ZNF425: variants seen among roughly 807,000 people sequenced by gnomAD.
ZNF425 encodes the protein zinc finger protein 425.
ZNF425 carries 21 observed loss-of-function variants against 17.0 expected under a neutral mutation model. That is an observed-to-expected ratio of 1.23 (90% CI 0.88 to 1.78). ZNF425 has a LOEUF of 1.78. Ranked by LOEUF, ZNF425 falls within the 40% of genes most tolerant of loss-of-function variation. The pLI, the probability that ZNF425 is intolerant of heterozygous loss-of-function variation, is 0.00. For synonymous variants in ZNF425, 433 were observed against 384.1 expected, an observed-to-expected ratio of 1.13 and a Z score of -1.49; for missense variants, 868 against 967.3, an observed-to-expected ratio of 0.90 and a Z score of 1.36.
chr7:149,103,837 C>T lies in ZNF425; in HGVS notation c.2034G>A (p.Arg678=). 11 of 1,613,454 alleles carry T rather than the reference C, an allele frequency of 6.8e-6. No homozygotes were observed. The highest frequency in any genetic ancestry group is 9.3e-6 in the Non-Finnish European group (11 of 1,179,838). Residue 678 remains arginine (R), a synonymous_variant, in exon 4 of 4, where the codon AGG becomes AGA. Coordinates refer to ENST00000378061, the MANE Select transcript of ZNF425 (RefSeq NM_001001661.3). ...CPECDKSYCI[R]GSLKVHLYKH... ...TATACAAGTGGACCTTCAAGCTGCC[C>T]CTGATGCAGTAGCTCTTGTCACACT...
In ZNF425 at chr7:149,103,218, G is replaced by A. The variant is rs1826004930; in HGVS notation, c.*394C>T. ...AGTGTGTCTGTAGCCAGTATTTTGTGATTTTTTTTCTTTTTTGAGACAAGA... is the reference window on the plus strand; with the variant it reads ...AGTGTGTCTGTAGCCAGTATTTTGTAATTTTTTTTCTTTTTTGAGACAAGA... On this transcript the variant is annotated 3_prime_UTR_variant, in exon 4 of 4. Coordinates refer to ENST00000378061, the MANE Select transcript of ZNF425 (RefSeq NM_001001661.3). 3.4e-5 allele frequency: 6 copies of A among 175,210 alleles called. No homozygotes were observed. The South Asian group carries it at 9.4e-4, about 27-fold the overall frequency. The allele number at this position is 175,210 out of a possible 1,614,324, so 10.9% of individuals were successfully genotyped here.
rs1232072451 is a variant in ZNF425 at position 149,102,919 on chromosome 7, A to C, written c.*693T>G. 3.9e-5 allele frequency: 6 copies of C among 152,244 alleles called. No individual in the cohort carries two copies. The highest frequency in any genetic ancestry group is 8.8e-5 in the Non-Finnish European group (6 of 68,044). 9.4% of individuals were successfully genotyped at this position (152,244 alleles called of 1,614,324 possible). On this transcript the variant is annotated 3_prime_UTR_variant, in exon 4 of 4. Transcript: ENST00000378061. ...AAACTGAAGACTTTAATACAGATTT[A>C]AGTAAAATGGCCTGGTAATGGAAAA...
chr7:149,119,850 T>TA (rs1826324738), intron 1 of ZNF425, among the ~76,000 whole-genome samples: 1 of 152,196 alleles, frequency 6.6e-6, no homozygotes, highest in Non-Finnish European at 1.5e-5. Context: ...ACATAGCGTT[T>TA]ATATTGTATT....
At position 149,103,517 on chromosome 7, in the gene ZNF425, C is replaced by T; in HGVS notation, c.*95G>A. 6.9e-7 allele frequency: 1 copy of T among 1,458,006 alleles called. No individual in the cohort carries two copies. Among genetic ancestry groups the T allele is most frequent in the Non-Finnish European group, 9.1e-7 (1 of 1,101,666 alleles). 90.3% of individuals were successfully genotyped at this position (1,458,006 alleles called of 1,614,324 possible). A position where few individuals can be genotyped will look rare whatever the true frequency, so the allele number is the denominator to read the frequency against. ...ACAGGCGGGAGCCACTGTGCCCGAT[C>T]TTACCCTGTGAATCCTTCAACCTGC... is the stretch of plus-strand genomic sequence containing the variant. On this transcript the variant is annotated 3_prime_UTR_variant, in exon 4 of 4. Transcript: ENST00000378061.
chr7:149,126,033 A>G, intron 1 of ZNF425, 163 bp downstream of exon 1: 1 of 1,408,314 alleles, frequency 7.1e-7, no homozygotes, highest in South Asian at 1.2e-5. Context: ...ACACGCAGCA[A>G]GACTGCACCT....
intron 3 of ZNF425, among the ~76,000 whole-genome samples, chr7:149,110,377 C>A (rs1394800414): frequency 6.6e-6 from 1 of 151,492 alleles, no homozygotes; most frequent in Non-Finnish European, 1.5e-5. Context: ...ACCAGCCTGG[C>A]CAACATGGTG....
intron 1 of ZNF425, among the ~76,000 whole-genome samples, chr7:149,120,211 G>A (rs902505790): frequency 6.6e-5 from 10 of 152,156 alleles, no homozygotes; most frequent in South Asian, 2.1e-4. Flanking sequence ...GTGAAACCCC[G>A]TCTCTACTAA....
chr7:149,104,241 G>A lies in ZNF425; in HGVS notation c.1630C>T (p.His544Tyr). The A allele has an allele frequency of 1.2e-6, 2 of 1,613,742 alleles. No homozygotes were observed. The highest frequency in any genetic ancestry group is 1.7e-5 in the Admixed American group (1 of 60,018). Residue 544 changes from histidine (H) to tyrosine (Y), a missense_variant, in exon 4 of 4, where the codon CAC becomes TAC. Coordinates refer to ENST00000378061, the MANE Select transcript of ZNF425 (RefSeq NM_001001661.3). The surrounding 1 kb of genome is among the most constrained non-coding windows in gnomAD (Gnocchi z 4.3). ...TCCTCGCCACTGTGAAGCCTCGTGT[G>A]CTCTGTGAGATGCGCGCGTCGGCGG... ...SFRRRAHLTE[H>Y]TRLHSGEEPF...
At chr7:149,108,991 T>A (rs1353885538) in intron 3 of ZNF425, among the ~76,000 whole-genome samples, 1 of 133,008 alleles carries the variant, frequency 7.5e-6, no homozygotes, top group Non-Finnish European at 1.6e-5. Flanking sequence ...AACACCAATT[T>A]ATGTTTTTCC....
At chr7:149,115,916 G>C (rs58568083) in intron 2 of ZNF425, among the ~76,000 whole-genome samples, 27 of 152,260 alleles carry the variant, frequency 1.8e-4, no homozygotes, top group Middle Eastern at 3.4e-3. Flanking sequence ...AATCCTAAGC[G>C]CTGGGGCTGG....
chr7:149,109,056 G>A lies in ZNF425; in HGVS notation c.304+3081C>T, dbSNP rs947755603. ...AACATTCAGTTACAGGCAGGTTGGT[G>A]TCTTCTCTGTTTTCTTTTTTCTTTC... On this transcript the variant is annotated intron_variant, in intron 3 of 3. Transcript: ENST00000378061. 2.0e-5 allele frequency among the ~76,000 whole-genome samples: 3 copies of A among 151,368 alleles called. No individual in the cohort carries two copies. In the East Asian group the frequency reaches 5.8e-4, roughly 29 times the overall value.
At chr7:149,111,535 T>C (rs1170326297) in intron 3 of ZNF425, among the ~76,000 whole-genome samples, 1 of 132,504 alleles carries the variant, frequency 7.5e-6, no homozygotes, top group Non-Finnish European at 1.5e-5. Context: ...GAGGTTGCAG[T>C]GAGCCGAGAT....
intron 1 of ZNF425, among the ~76,000 whole-genome samples, chr7:149,123,001 TG>T (rs1394562369): frequency 6.6e-6 from 1 of 152,198 alleles, no homozygotes; most frequent in Non-Finnish European, 1.5e-5. Context: ...CGGCCTGGGA[TG>T]TGTCATTTTC....
intron 3 of ZNF425, among the ~76,000 whole-genome samples, chr7:149,111,386 T>C (rs1002966612): frequency 6.6e-6 from 1 of 151,156 alleles, no homozygotes; most frequent in African/African-American, 2.4e-5. Flanking sequence ...GGTCAGGAGT[T>C]TGAGACCAGC....
intron 1 of ZNF425, among the ~76,000 whole-genome samples, chr7:149,122,773 A>G (rs1826381309): frequency 6.6e-6 from 1 of 151,310 alleles, no homozygotes; most frequent in Admixed American, 6.6e-5. Context: ...TCGGCTCACT[A>G]CAACCTCTGC....
chr7:149,115,732 G>A (rs1826255162), intron 2 of ZNF425, among the ~76,000 whole-genome samples: 1 of 151,734 alleles, frequency 6.6e-6, no homozygotes, highest in Non-Finnish European at 1.5e-5. Flanking sequence ...TCAGTAGAGG[G>A]TCTTCAGAGT....
At chr7:149,115,058 C>T (rs1300772738) in intron 2 of ZNF425, among the ~76,000 whole-genome samples, 1 of 149,494 alleles carries the variant, frequency 6.7e-6, no homozygotes, top group Non-Finnish European at 1.5e-5. Flanking sequence ...CCTCAGCCTC[C>T]TGAGTAGCTA....
At chr7:149,117,686 T>C (rs61224882) in intron 2 of ZNF425, among the ~76,000 whole-genome samples, 22,887 of 128,826 alleles carry the variant, frequency 0.18, 2,926 homozygotes, top group African/African-American at 0.36. Context: ...GGACTCTTGC[T>C]CTGTTGCCCA....
At chr7:149,116,641 C>T (rs78459093) in intron 2 of ZNF425, among the ~76,000 whole-genome samples, 1 of 152,052 alleles carries the variant, frequency 6.6e-6, no homozygotes, top group African/African-American at 2.4e-5. Context: ...AAGTAAATCA[C>T]TCCCCTCTGT....
Sources: gnomAD v4.1 joint callset for allele counts (sites outside exome capture counted in the v4.1 genomes callset) on GRCh38, gnomAD v4.1.1 for gene constraint, Gnocchi (gnomAD v3.1) non-coding constraint, MANE v1.5 for transcripts, NCBI Gene and HGNC (gene_info 2026-07-23, HGNC 2026-07-21) for gene names.